POLA2: variants seen among roughly 807,000 people sequenced by gnomAD.
The protein encoded by POLA2 is DNA polymerase alpha 2, accessory subunit.
POLA2 carries 47 observed loss-of-function variants against 82.8 expected under a neutral mutation model. The observed-to-expected ratio is 0.57, with a 90% CI of 0.45 to 0.72. The LOEUF is 0.72. Among genes scored for constraint, POLA2 ranks in the 30% least tolerant of loss-of-function variants. The pLI is 0.00. For missense variants in POLA2, 634 were observed against 728.1 expected (o/e 0.87, Z 1.49); for synonymous variants, 287 against 286.8 (o/e 1.00, Z -0.01).
rs1949820753 is a variant in POLA2, at chr11:65,297,211, C to T, written c.1739C>T (p.Ala580Val). Residue 580 changes from alanine (A) to valine (V), a missense_variant, in exon 18 of 18, where the codon GCA becomes GTA. Coordinates refer to ENST00000265465, the MANE Select transcript of POLA2 (RefSeq NM_002689.4). ...TFARLYLRRP[A>V]ADGAERQSPC... The stretch of plus-strand genomic sequence containing the variant: ...GCCCGACTCTACCTTAGGAGGCCGG[C>T]AGCGGACGGGGCAGAGAGGCAGAGC... 1 of 1,613,862 alleles carries T rather than the reference C, an allele frequency of 6.2e-7. No individual in the cohort carries two copies. Among genetic ancestry groups the T allele is most frequent in the Non-Finnish European group, 8.5e-7 (1 of 1,179,952 alleles).
At position 65,262,279 on chromosome 11, in the gene POLA2, T is replaced by C. The variant is rs371818539; in HGVS notation, c.-14T>C. 2.1e-5 allele frequency: 34 copies of C among 1,610,202 alleles called. No homozygotes were observed. In the African/African-American group the frequency reaches 3.9e-4, roughly 18 times the overall value. ...CTGGGTGGGCCGGCTCCCCGGCCCCTGGCTTGGGCGACCATGTCCGCATCC... is the reference window on the plus strand; with the variant it reads ...CTGGGTGGGCCGGCTCCCCGGCCCCCGGCTTGGGCGACCATGTCCGCATCC... On this transcript the variant is annotated 5_prime_UTR_variant, in exon 1 of 18. Coordinates refer to ENST00000265465, the MANE Select transcript of POLA2 (RefSeq NM_002689.4).
At chr11:65,292,819 CAT>C (rs1949769280) in intron 13 of POLA2, among the ~76,000 whole-genome samples, 1 of 152,192 alleles carries the variant, frequency 6.6e-6, no homozygotes, top group African/African-American at 2.4e-5. Context: ...GAGAAGTCCA[CAT>C]GTTTTAAGCA....
downstream of POLA2, among the ~76,000 whole-genome samples, chr11:65,302,453 GGGCACAAGGGT>G (rs1206273793): frequency 6.6e-6 from 1 of 152,118 alleles, no homozygotes; most frequent in Non-Finnish European, 1.5e-5. Flanking sequence ...CCACAGAACA[GGGCACAAGGGT>G]GGCACAAGGG....
At chr11:65,272,915 G>A (rs757695718) in intron 4 of POLA2, among the ~76,000 whole-genome samples, 25 of 152,014 alleles carry the variant, frequency 1.6e-4, no homozygotes, top group Non-Finnish European at 3.4e-4. Flanking sequence ...TCGGGAGGCT[G>A]AGGCAGGAGA....
downstream of POLA2, among the ~76,000 whole-genome samples, chr11:65,302,756 TCTCA>T (rs1949865701): frequency 6.6e-6 from 1 of 151,106 alleles, no homozygotes; most frequent in Non-Finnish European, 1.5e-5. Flanking sequence ...GGAGACAGAG[TCTCA>T]CTCTGTCGCC....
intron 4 of POLA2, among the ~76,000 whole-genome samples, chr11:65,274,225 G>A (rs1949552189): frequency 6.6e-6 from 1 of 151,770 alleles, no homozygotes; most frequent in Non-Finnish European, 1.5e-5. Flanking sequence ...GGTGGTGCAT[G>A]CCTGTAGTCC....
intron 8 of POLA2, among the ~76,000 whole-genome samples, chr11:65,305,211 C>G (rs1590916185): frequency 6.6e-6 from 1 of 152,276 alleles, no homozygotes; most frequent in Middle Eastern, 3.4e-3. Context: ...CTCCAGGCCC[C>G]CCTCTCCAAA....
chr11:65,305,953 A>C (rs372166442), downstream of POLA2, among the ~76,000 whole-genome samples: 3 of 152,168 alleles, frequency 2.0e-5, no homozygotes, highest in South Asian at 4.1e-4. Flanking sequence ...ATTGATGTAG[A>C]GTGGTCTCCA....
intron 4 of POLA2, among the ~76,000 whole-genome samples, chr11:65,269,179 A>G (rs1258490455): frequency 6.6e-6 from 1 of 152,142 alleles, no homozygotes; most frequent in East Asian, 1.9e-4. Flanking sequence ...TCATTCATTC[A>G]GTTATCCAGC....
chr11:65,271,168 C>G lies in POLA2; in HGVS notation c.354+2439C>G, dbSNP rs543677922. On this transcript the variant is annotated intron_variant, in intron 4 of 17. Coordinates refer to ENST00000265465, the MANE Select transcript of POLA2 (RefSeq NM_002689.4). ...ACTTTTTTGTTTTAGTCGGCCTTCC[C>G]TCCATTAGATGGAAGCTCCTTGAGA... Among the ~76,000 whole-genome samples, 3 of 152,330 alleles carry G rather than the reference C, an allele frequency of 2.0e-5. No individual in the cohort carries two copies. In the East Asian group the frequency reaches 5.8e-4, roughly 29 times the overall value.
intron 4 of POLA2, among the ~76,000 whole-genome samples, chr11:65,273,019 AAAAAG>A (rs1949538532): frequency 6.7e-6 from 1 of 150,074 alleles, no homozygotes; most frequent in Admixed American, 6.7e-5. Context: ...CTCAAAAAAA[AAAAAG>A]AAAAGATGAA....
At chr11:65,274,127 G>A (rs1273610977) in intron 4 of POLA2, among the ~76,000 whole-genome samples, 1 of 152,016 alleles carries the variant, frequency 6.6e-6, no homozygotes, top group Non-Finnish European at 1.5e-5. Context: ...CGAGGCAGGT[G>A]GATCACCTGA....
At chr11:65,273,214 G>A (rs549306875) in intron 4 of POLA2, among the ~76,000 whole-genome samples, 2 of 151,956 alleles carry the variant, frequency 1.3e-5, no homozygotes, top group East Asian at 1.9e-4. Context: ...CAGCTACTCA[G>A]GAGGCTGAGG....
intron 13 of POLA2, among the ~76,000 whole-genome samples, chr11:65,290,074 CTCTG>C (rs1175622813): frequency 6.6e-6 from 1 of 151,814 alleles, no homozygotes; most frequent in Non-Finnish European, 1.5e-5. Flanking sequence ...TATGGTAAAA[CTCTG>C]TCTGTACTAA....
intron 5 of POLA2, among the ~76,000 whole-genome samples, chr11:65,277,084 C>T (rs141276926): frequency 3.3e-5 from 5 of 152,012 alleles, no homozygotes; most frequent in African/African-American, 7.2e-5. Flanking sequence ...CCACTGCTCT[C>T]GGCCTTTTCA....
At chr11:65,284,326 A>G (rs1307119549) in intron 10 of POLA2, among the ~76,000 whole-genome samples, 5 of 151,962 alleles carry the variant, frequency 3.3e-5, no homozygotes, top group East Asian at 3.9e-4. Flanking sequence ...TAAAAACAAA[A>G]AAAATCAGCT....
chr11:65,302,933 C>T (rs772200694), downstream of POLA2, among the ~76,000 whole-genome samples: 1 of 151,958 alleles, frequency 6.6e-6, no homozygotes, highest in Non-Finnish European at 1.5e-5. Context: ...GCCACGTTGC[C>T]CAGGCCAGTT....
intron 4 of POLA2, among the ~76,000 whole-genome samples, chr11:65,270,747 G>A (rs1949513138): frequency 6.6e-6 from 1 of 152,056 alleles, no homozygotes; most frequent in Non-Finnish European, 1.5e-5. Context: ...TGAATGATTG[G>A]GACAGCCTCC....
chr11:65,295,087 C>T (rs903272136), intron 15 of POLA2, among the ~76,000 whole-genome samples: 1 of 152,182 alleles, frequency 6.6e-6, no homozygotes, highest in East Asian at 1.9e-4. Flanking sequence ...CAGGCCCTGA[C>T]AAATTTGTTG....
Sources: gnomAD v4.1 joint callset for allele counts (sites outside exome capture counted in the v4.1 genomes callset) on GRCh38, gnomAD v4.1.1 for gene constraint, MANE v1.5 for transcripts, NCBI Gene and HGNC (gene_info 2026-07-23, HGNC 2026-07-21) for gene names.